The following ZFHX3 variants were observed in gnomAD, a reference collection of about 807,000 sequenced individuals.
ZFHX3 encodes the protein zinc finger homeobox protein 3.
Under a neutral mutation model 279.1 loss-of-function variants are expected in ZFHX3, and 42 were observed. The ratio of observed to expected loss-of-function variants is 0.15; its 90% CI spans 0.12 to 0.19. ZFHX3 has a LOEUF of 0.19. ZFHX3 is among the 10% of genes least tolerant of loss of function. The probability of loss-of-function intolerance (pLI) is 1.00; values close to 1 mark genes in which losing one functional copy is unlikely to be tolerated. For missense variants in ZFHX3, 4,981 were observed against 4,754.0 expected (o/e 1.05, Z -1.40); for synonymous variants, 2,293 against 1,957.8 (o/e 1.17, Z -4.52).
chr16:73,871,088 A>G (rs1166561751), intron 1 of ZFHX3, among the ~76,000 whole-genome samples: 1 of 152,208 alleles, frequency 6.6e-6, no homozygotes, highest in Non-Finnish European at 1.5e-5. Flanking sequence ...TCCCAAATCA[A>G]TAGTGTTTAC....
rs764766466 is a variant in ZFHX3 at position 72,812,037 on chromosome 16, T to C, written c.3531A>G (p.Ala1177=). The C allele has an allele frequency of 4.3e-6, 7 of 1,613,898 alleles. No homozygotes were observed. Among genetic ancestry groups the C allele is most frequent in the Non-Finnish European group, 5.1e-6 (6 of 1,179,944 alleles). The change falls in exon 6 of 10, where the codon GCA becomes GCG. Residue 1177 remains alanine (A), a splice_region_variant and synonymous_variant. Coordinates refer to ENST00000268489, the MANE Select transcript of ZFHX3 (RefSeq NM_006885.4). Reference sequence around the variant, plus strand: ...GCTCCTTCTCTGCTTGGCTGGACGATGCTAAAAGAGAAAGTAGAAGATGCA... The same window carrying C: ...GCTCCTTCTCTGCTTGGCTGGACGACGCTAAAAGAGAAAGTAGAAGATGCA... ...EELAKDQEGG[A]SSSQAEKELT...
intron 5 of ZFHX3, among the ~76,000 whole-genome samples, chr16:73,180,178 C>G (rs922420114): frequency 6.6e-6 from 1 of 152,196 alleles, no homozygotes; most frequent in Non-Finnish European, 1.5e-5. Flanking sequence ...CCAGCCAACT[C>G]TTGGACCCAG....
At chr16:73,285,890 A>C (rs1309116185) in intron 4 of ZFHX3, among the ~76,000 whole-genome samples, 2 of 152,252 alleles carry the variant, frequency 1.3e-5, no homozygotes, top group Non-Finnish European at 2.9e-5. Context: ...TTTCCCCAGA[A>C]GCCTCTCTGG....
rs1327572745 is a variant in ZFHX3, at chr16:73,142,372, T to C, written c.-1024+1380A>G. Among the ~76,000 whole-genome samples, 2 of 152,228 alleles carry C rather than the reference T, an allele frequency of 1.3e-5. 1 individual carries two copies. Among genetic ancestry groups the C allele is most frequent in the Middle Eastern group, 6.3e-3 (2 of 316 alleles). On this transcript the variant is annotated intron_variant, in intron 6 of 17. Transcript: ENST00000641206. Reference sequence around the variant, plus strand: ...AGGGCTGTCGGATCACATTAGGTCCTATTTGCAGACTGCATGCCAATACCC... The same window carrying C: ...AGGGCTGTCGGATCACATTAGGTCCCATTTGCAGACTGCATGCCAATACCC...
At chr16:72,896,296 C>T (rs978673774) in intron 3 of ZFHX3, among the ~76,000 whole-genome samples, 1 of 152,200 alleles carries the variant, frequency 6.6e-6, no homozygotes, top group African/African-American at 2.4e-5. Flanking sequence ...TTAAAATGTT[C>T]ATCCCGTCTC....
chr16:73,820,543 G>A (rs1399905566), intron 1 of ZFHX3, among the ~76,000 whole-genome samples: 4 of 152,056 alleles, frequency 2.6e-5, no homozygotes, highest in Non-Finnish European at 5.9e-5. Flanking sequence ...TTTGCAGCCA[G>A]CCCTATGAGT....
intron 1 of ZFHX3, among the ~76,000 whole-genome samples, chr16:73,756,290 G>T (rs1247055667): frequency 1.3e-5 from 2 of 152,048 alleles, no homozygotes; most frequent in African/African-American, 4.8e-5. Flanking sequence ...TTGTTGGAGG[G>T]GTAGCATTTT....
chr16:73,670,022 C>T lies in ZFHX3; in HGVS notation c.-1547+10158G>A, dbSNP rs574335533. On this transcript the variant is annotated intron_variant, in intron 2 of 17. Transcript: ENST00000641206. ...TAAACATTTATATGAATAAAAATAG[C>T]ACCTGCAGCGACACCAGGAAGGATA... Among the ~76,000 whole-genome samples the T allele has an allele frequency of 5.3e-5, 8 of 152,218 alleles. No individual in the cohort carries two copies. In the South Asian group the frequency reaches 1.7e-3, roughly 32 times the overall value.
chr16:73,039,802 G>C (rs1965045535), intron 1 of ZFHX3, among the ~76,000 whole-genome samples: 1 of 152,088 alleles, frequency 6.6e-6, no homozygotes, highest in African/African-American at 2.4e-5. Flanking sequence ...AAAGTGCTGG[G>C]ATTACAGGCA....
At chr16:73,029,369 AGGGTCCATGCTGCTCCTTCTACTAAAG>A (rs931262597) in intron 1 of ZFHX3, among the ~76,000 whole-genome samples, 14 of 152,218 alleles carry the variant, frequency 9.2e-5, no homozygotes, top group African/African-American at 3.4e-4. Context: ...CCTTGGTCAC[AGGGTCCATGCTGCTCCTTCTACTAAAG>A]GGGACACAAG....
rs2035806413 is a variant in ZFHX3, at chr16:72,794,030, AGACATTGCC to A, written c.8643_8651del (p.Met2881_Ser2884delinsIle). The A allele has an allele frequency of 6.2e-7, 1 of 1,614,194 alleles. No individual in the cohort carries two copies. Among genetic ancestry groups the A allele is most frequent in the Non-Finnish European group, 8.5e-7 (1 of 1,180,032 alleles). On this transcript the variant is annotated inframe_deletion, in exon 9 of 10. Coordinates refer to ENST00000268489, the MANE Select transcript of ZFHX3 (RefSeq NM_006885.4). The surrounding 1 kb of genome is among the most constrained non-coding windows in gnomAD (Gnocchi z 4.2). ...CAGATGACAACCGATCTTCATACTC[AGACATTGCC>A]ATCATGGCCGCTTTGGTCAACCCTT...
At chr16:73,645,304 G>A (rs2052608307) in intron 2 of ZFHX3, among the ~76,000 whole-genome samples, 1 of 152,148 alleles carries the variant, frequency 6.6e-6, no homozygotes, top group Admixed American at 6.5e-5. Flanking sequence ...CACCCAGGCT[G>A]GAGTGCAAGT....
chr16:72,882,400 G>A (rs2038501946), intron 4 of ZFHX3, among the ~76,000 whole-genome samples: 1 of 152,082 alleles, frequency 6.6e-6, no homozygotes, highest in African/African-American at 2.4e-5. Flanking sequence ...CAAAACCCTG[G>A]TAGCTTCATC....
chr16:72,990,156 C>T (rs1846255456), intron 1 of ZFHX3, among the ~76,000 whole-genome samples: 1 of 152,144 alleles, frequency 6.6e-6, no homozygotes. Flanking sequence ...GCCTCCCTAA[C>T]TGCAGGAGGG....
At position 72,787,869 on chromosome 16, in the gene ZFHX3, C is replaced by G. The variant is rs766951391; in HGVS notation, c.10407G>C (p.Lys3469Asn). Reference protein sequence around the residue: ...PKVQYKLVCRKCQAGFSDEEA... With the variant: ...PKVQYKLVCRNCQAGFSDEEA... ...CCTCGTCGCTGAAGCCCGCCTGGCA[C>G]TTGCGGCAGACCAACTTGTACTGCA... is the stretch of plus-strand genomic sequence containing the variant. Residue 3469 changes from lysine (K) to asparagine (N), a missense_variant, in exon 10 of 10, where the codon AAG becomes AAC. Around this residue, in one of 7 missense-constraint regions of ZFHX3, gnomAD observed 1,034 missense variants for 786.0 expected, o/e 1.32. Coordinates refer to ENST00000268489, the MANE Select transcript of ZFHX3 (RefSeq NM_006885.4). 9 of 1,614,024 alleles carry G rather than the reference C, an allele frequency of 5.6e-6. No homozygotes were observed. The highest frequency in any genetic ancestry group is 7.6e-6 in the Non-Finnish European group (9 of 1,180,014).
At chr16:73,710,120 T>C (rs2053344298) in intron 1 of ZFHX3, among the ~76,000 whole-genome samples, 1 of 152,100 alleles carries the variant, frequency 6.6e-6, no homozygotes, top group Admixed American at 6.6e-5. Context: ...GAGGTGGACG[T>C]TGCAGTGAGT....
At chr16:73,127,301 A>G in intron 7 of ZFHX3, 1 of 1,276,888 alleles carries the variant, frequency 7.8e-7, no homozygotes, top group Non-Finnish European at 1.0e-6. Context: ...AGAAGAGGGA[A>G]GAAGGAAACA....
At chr16:73,723,273 C>T (rs534432506) in intron 1 of ZFHX3, among the ~76,000 whole-genome samples, 3 of 151,618 alleles carry the variant, frequency 2.0e-5, no homozygotes, top group Admixed American at 6.6e-5. Context: ...TTGGGAAGTA[C>T]TAAAAACAAA....
intron 2 of ZFHX3, among the ~76,000 whole-genome samples, chr16:73,652,588 T>C (rs2052682183): frequency 6.6e-6 from 1 of 152,132 alleles, no homozygotes; most frequent in South Asian, 2.1e-4. Flanking sequence ...ACGAAATTAG[T>C]GACAATTCTT....
Sources: gnomAD v4.1 joint callset for allele counts (sites outside exome capture counted in the v4.1 genomes callset) on GRCh38, gnomAD v4.1.1 for gene constraint, gnomAD v4.1.1 regional missense constraint, Gnocchi (gnomAD v3.1) non-coding constraint, MANE v1.5 for transcripts, NCBI Gene and HGNC (gene_info 2026-07-23, HGNC 2026-07-21) for gene names.